The following CLIP1 variants were observed in gnomAD, a reference collection of about 807,000 sequenced individuals.
CLIP1 encodes CAP-Gly domain-containing linker protein 1.
A neutral mutation model predicts 161.6 loss-of-function variants in CLIP1; 66 were observed. The observed-to-expected ratio is 0.41, with a 90% CI of 0.33 to 0.50. The LOEUF is 0.50. Among genes scored for constraint, CLIP1 ranks in the 20% least tolerant of loss-of-function variants. CLIP1 has a pLI of 0.27. For missense variants in CLIP1, 1,376 were observed against 1,702.0 expected, an observed-to-expected ratio of 0.81 and a Z score of 3.37; for synonymous variants, 598 against 626.2, an observed-to-expected ratio of 0.96 and a Z score of 0.67.
At chr12:122,340,111 TCTGTCTCCCAGG>T (rs1358291751) in intron 11 of CLIP1, among the ~76,000 whole-genome samples, 1 of 151,228 alleles carries the variant, frequency 6.6e-6, no homozygotes, top group Non-Finnish European at 1.5e-5. Flanking sequence ...AGAGTCTTGC[TCTGTCTCCCAGG>T]CTGGAGTGCA....
intron 1 of CLIP1, among the ~76,000 whole-genome samples, chr12:122,384,704 T>A (rs1199134025): frequency 6.6e-6 from 1 of 150,410 alleles, no homozygotes; most frequent in Non-Finnish European, 1.5e-5. Context: ...GAGGTTACAG[T>A]GGGCCGAGAT....
intron 1 of CLIP1, among the ~76,000 whole-genome samples, chr12:122,398,458 C>T (rs962358001): frequency 2.0e-5 from 3 of 151,106 alleles, no homozygotes; most frequent in South Asian, 2.1e-4. Context: ...TAAGGACGAG[C>T]CTCTAAGATT....
chr12:122,347,337 T>A, intron 10 of CLIP1, 38 bp downstream of exon 10: 1 of 1,444,048 alleles, frequency 6.9e-7, no homozygotes, highest in Non-Finnish European at 9.7e-7. Context: ...ACCCTTCACA[T>A]GCATGGGTCT....
intron 20 of CLIP1, among the ~76,000 whole-genome samples, chr12:122,298,479 C>T (rs1593007451): frequency 6.6e-6 from 1 of 151,476 alleles, no homozygotes; most frequent in Non-Finnish European, 1.5e-5. Flanking sequence ...TGGTGGGCGT[C>T]TGTAGTCCCA....
chr12:122,312,742 G>A (rs1951104962), intron 19 of CLIP1, among the ~76,000 whole-genome samples: 1 of 152,108 alleles, frequency 6.6e-6, no homozygotes, highest in African/African-American at 2.4e-5. Context: ...TCTAGCTAGG[G>A]CAACAGAGTG....
chr12:122,406,357 G>A (rs1247208316), intron 1 of CLIP1, among the ~76,000 whole-genome samples: 1 of 152,140 alleles, frequency 6.6e-6, no homozygotes, highest in East Asian at 1.9e-4. Context: ...TCTCAAACAA[G>A]TAAAAATAAA....
At chr12:122,289,058 C>T (rs1340316909) in intron 20 of CLIP1, among the ~76,000 whole-genome samples, 34 of 150,566 alleles carry the variant, frequency 2.3e-4, no homozygotes, top group Non-Finnish European at 4.3e-4. Flanking sequence ...CCTTGTGATC[C>T]GCCCGCCTCA....
chr12:122,300,825 T>C (rs551078490), intron 20 of CLIP1, among the ~76,000 whole-genome samples: 4 of 152,360 alleles, frequency 2.6e-5, no homozygotes, highest in South Asian at 4.1e-4. Context: ...TTTTTCCTTT[T>C]TCTTTTTACC....
intron 3 of CLIP1, among the ~76,000 whole-genome samples, chr12:122,372,186 C>T (rs977616052): frequency 4.0e-5 from 6 of 151,436 alleles, no homozygotes; most frequent in African/African-American, 9.7e-5. Flanking sequence ...TTTGGGAGGC[C>T]GAGGCGAGCA....
chr12:122,274,011 C>A, intron 25 of CLIP1, 27 bp downstream of exon 25: 1 of 1,608,806 alleles, frequency 6.2e-7, no homozygotes, highest in Non-Finnish European at 8.5e-7. Flanking sequence ...GGGATTATAG[C>A]AATCAGTATG....
chr12:122,348,703 C>A (rs185385931), intron 9 of CLIP1, among the ~76,000 whole-genome samples: 1 of 152,294 alleles, frequency 6.6e-6, no homozygotes, highest in Admixed American at 6.5e-5. Flanking sequence ...AGGCCCACAC[C>A]CGCAGGGCTG....
intron 24 of CLIP1, chr12:122,276,707 A>T (rs1453040847): frequency 1.1e-5 from 3 of 274,752 alleles, no homozygotes; most frequent in Non-Finnish European, 2.2e-5. Flanking sequence ...TGACTAATAC[A>T]TACAAAGTAT....
intron 1 of CLIP1, among the ~76,000 whole-genome samples, chr12:122,390,281 T>C (rs867047161): frequency 9.1e-6 from 1 of 110,428 alleles, no homozygotes; most frequent in African/African-American, 4.2e-5. Context: ...TATATATACA[T>C]ATATATATAT....
At position 122,391,579 on chromosome 12, in the gene CLIP1, T is replaced by C. The variant is rs1955665744; in HGVS notation, c.-106-11021A>G. ...CCAGCCTGGGGCACAGAAGCGAGAC[T>C]TCGTCTCAAAAAGAAAATAATAAAT... On this transcript the variant is annotated intron_variant, in intron 1 of 25. Transcript: ENST00000620786. Among the ~76,000 whole-genome samples the C allele has an allele frequency of 3.3e-5, 5 of 152,154 alleles. No homozygotes were observed. The South Asian group carries it at 1.0e-3, about 32-fold the overall frequency.
chr12:122,400,046 T>G (rs1166454251), intron 1 of CLIP1: 1 of 152,256 alleles, frequency 6.6e-6, no homozygotes, highest in East Asian at 1.9e-4. Flanking sequence ...TACGTAAGTA[T>G]GCTGTGTCAC....
Position 122,393,912 on chromosome 12 carries a change from C to CAAAAAA in CLIP1, c.-106-13360_-106-13355dup, listed in dbSNP as rs71082981. 4.8e-3 allele frequency among the ~76,000 whole-genome samples: 304 copies of CAAAAAA among 63,168 alleles called. 43 individuals carry two copies. The Middle Eastern group carries it at 0.062, about 13-fold the overall frequency. 41.4% of individuals were successfully genotyped at this position (63,168 alleles called of 152,430 possible). A position where few individuals can be genotyped will look rare whatever the true frequency, so the allele number is the denominator to read the frequency against. ...GGGTGACAGAGTGAGATTCTGTCTC[C>CAAAAAA]AAAAAAAAAAAAAAAAAAGATTCTA... On this transcript the variant is annotated intron_variant, in intron 1 of 25. Transcript: ENST00000620786.
At chr12:122,398,660 G>C (rs1593246359) in intron 1 of CLIP1, among the ~76,000 whole-genome samples, 1 of 151,778 alleles carries the variant, frequency 6.6e-6, no homozygotes, top group South Asian at 2.1e-4. Flanking sequence ...TTAAGTCCAG[G>C]AGTCTGAGAG....
chr12:122,340,604 G>A, intron 11 of CLIP1, 149 bp downstream of exon 11: 1 of 634,506 alleles, frequency 1.6e-6, no homozygotes, highest in East Asian at 2.8e-5. Context: ...GAGATACTCA[G>A]AACATACTAC....
At chr12:122,363,601 T>C (rs1953985769) in intron 4 of CLIP1, among the ~76,000 whole-genome samples, 1 of 151,970 alleles carries the variant, frequency 6.6e-6, no homozygotes, top group African/African-American at 2.4e-5. Context: ...TGAAGACACA[T>C]TTTGCAGTTC....
Sources: allele counts gnomAD v4.1 joint callset (sites outside exome capture counted in the v4.1 genomes callset), GRCh38; gene constraint gnomAD v4.1.1; transcripts MANE v1.5; gene names NCBI Gene and HGNC (gene_info 2026-07-23, HGNC 2026-07-21).